The following ATRNL1 variants were observed in gnomAD, a reference collection of about 807,000 sequenced individuals.
ATRNL1 encodes attractin like 1.
ATRNL1 carries 95 observed loss-of-function variants against 182.7 expected under a neutral mutation model. That is an observed-to-expected ratio of 0.52 (90% confidence interval 0.44 to 0.62). The LOEUF (loss-of-function observed/expected upper bound fraction) is 0.62, where lower values mean the gene tolerates loss of function less well. Ranked by LOEUF, ATRNL1 falls within the 20% of genes least tolerant of loss-of-function variation. The probability of loss-of-function intolerance (pLI) is 0.00; values close to 1 mark genes in which losing one functional copy is unlikely to be tolerated. For missense variants in ATRNL1, 1,471 were observed against 1,679.5 expected (o/e 0.88, Z 2.17); for synonymous variants, 576 against 568.3 (o/e 1.01, Z -0.19).
At chr10:115,843,369 T>A (rs1286801259) in intron 27 of ATRNL1, among the ~76,000 whole-genome samples, 1 of 152,004 alleles carries the variant, frequency 6.6e-6, no homozygotes, top group Non-Finnish European at 1.5e-5. Flanking sequence ...GAAATAGACA[T>A]TTACCCAGCT....
At chr10:115,915,533 G>A (rs1210105076) in intron 28 of ATRNL1, among the ~76,000 whole-genome samples, 4 of 152,006 alleles carry the variant, frequency 2.6e-5, no homozygotes, top group African/African-American at 9.7e-5. Context: ...AACATACATA[G>A]GTATATATAA....
chr10:115,297,437 C>G (rs889060787), intron 15 of ATRNL1, among the ~76,000 whole-genome samples: 1 of 151,660 alleles, frequency 6.6e-6, no homozygotes, highest in Non-Finnish European at 1.5e-5. Context: ...GTCAGGAGTT[C>G]GAGACCATCC....
chr10:115,575,418 A>G (rs781949227), intron 26 of ATRNL1, among the ~76,000 whole-genome samples: 7 of 152,146 alleles, frequency 4.6e-5, no homozygotes, highest in Non-Finnish European at 1.0e-4. Context: ...TAAACTCTGT[A>G]TACTTTCTTG....
At chr10:115,354,429 C>T (rs954614396) in intron 19 of ATRNL1, among the ~76,000 whole-genome samples, 7 of 151,906 alleles carry the variant, frequency 4.6e-5, no homozygotes, top group African/African-American at 1.7e-4. Flanking sequence ...TTTATTTCTC[C>T]TCCATATTGA....
intron 15 of ATRNL1, among the ~76,000 whole-genome samples, chr10:115,291,738 A>G (rs1250795438): frequency 2.8e-5 from 4 of 143,952 alleles, no homozygotes; most frequent in African/African-American, 1.0e-4. Context: ...TTGTTCTGAT[A>G]TTGTTGGATT....
chr10:115,445,553 A>G (rs1554966570), intron 21 of ATRNL1, among the ~76,000 whole-genome samples: 1 of 129,694 alleles, frequency 7.7e-6, no homozygotes. Flanking sequence ...GTGTGTGTGT[A>G]CACTTACCTA....
At position 115,945,432 on chromosome 10, in the gene ATRNL1, T is replaced by C. The variant is rs1268314024; in HGVS notation, c.*653T>C. ...AGGGGGTTTATTAGAATGCTCAGTGTAGAGGACATTCCTGTCATCCATGCC... is the reference window on the plus strand; with the variant it reads ...AGGGGGTTTATTAGAATGCTCAGTGCAGAGGACATTCCTGTCATCCATGCC... On this transcript the variant is annotated 3_prime_UTR_variant, in exon 29 of 29. Coordinates refer to ENST00000355044, the MANE Select transcript of ATRNL1 (RefSeq NM_207303.4). 6.6e-6 allele frequency: 1 copy of C among 152,180 alleles called. No individual in the cohort carries two copies. The highest frequency in any genetic ancestry group is 1.5e-5 in the Non-Finnish European group (1 of 68,038). The allele number at this position is 152,180 out of a possible 1,614,324, so 9.4% of individuals were successfully genotyped here.
intron 26 of ATRNL1, among the ~76,000 whole-genome samples, chr10:115,721,258 G>C (rs966115292): frequency 1.3e-5 from 2 of 152,194 alleles, no homozygotes; most frequent in East Asian, 3.9e-4. Context: ...AATTTAATCC[G>C]TTATTTTGAC....
At chr10:115,320,978 G>T (rs376109949) in intron 18 of ATRNL1, among the ~76,000 whole-genome samples, 1 of 152,042 alleles carries the variant, frequency 6.6e-6, no homozygotes, top group Admixed American at 6.6e-5. Flanking sequence ...TGGCATTTTT[G>T]TTGTTGTTGT....
chr10:115,555,455 A>G (rs1411888406), intron 26 of ATRNL1, among the ~76,000 whole-genome samples: 2 of 151,914 alleles, frequency 1.3e-5, no homozygotes, highest in African/African-American at 4.8e-5. Context: ...ATCATTCAAA[A>G]AGATTCGAGA....
chr10:115,783,708 G>A (rs568525041), intron 27 of ATRNL1, among the ~76,000 whole-genome samples: 3 of 152,220 alleles, frequency 2.0e-5, no homozygotes, highest in African/African-American at 7.2e-5. Context: ...AGATAGTAAT[G>A]AGAAAGAATT....
chr10:115,514,198 A>G (rs782446197), intron 24 of ATRNL1, among the ~76,000 whole-genome samples: 1 of 151,932 alleles, frequency 6.6e-6, no homozygotes, highest in African/African-American at 2.4e-5. Context: ...TGATAATTTT[A>G]AAAACAGTGT....
intron 26 of ATRNL1, among the ~76,000 whole-genome samples, chr10:115,677,583 T>G (rs1758554696): frequency 6.6e-6 from 1 of 152,090 alleles, no homozygotes; most frequent in African/African-American, 2.4e-5. Flanking sequence ...TGCTTTTGCT[T>G]CTTCCTCATT....
chr10:115,719,861 C>CT (rs35436098), intron 26 of ATRNL1, among the ~76,000 whole-genome samples: 45,446 of 128,618 alleles, frequency 0.35, 8,995 homozygotes, highest in East Asian at 0.58. Context: ...CCCACACACT[C>CT]TTTTTTTTTT....
rs71476115 is a variant in ATRNL1 at position 115,223,913 on chromosome 10, G to GTGTGTATATA, written c.1532+8034_1532+8035insGTGTATATAT. Among the ~76,000 whole-genome samples, 412 of 55,746 alleles carry GTGTGTATATA rather than the reference G, an allele frequency of 7.4e-3. 3 individuals carry two copies. The highest frequency in any genetic ancestry group is 0.012 in the African/African-American group (149 of 11,930). The allele number at this position is 55,746 out of a possible 152,430, so 36.6% of individuals were successfully genotyped here. ...TGTGTGTGTGTGTGTGTGTGTGTGT[G>GTGTGTATATA]TATATATATATATATATTTTTTTTT... is the stretch of plus-strand genomic sequence containing the variant. On this transcript the variant is annotated intron_variant, in intron 9 of 28. Coordinates refer to ENST00000355044, the MANE Select transcript of ATRNL1 (RefSeq NM_207303.4).
At chr10:115,637,603 C>CTAT (rs3087071) in intron 26 of ATRNL1, among the ~76,000 whole-genome samples, 43,265 of 141,586 alleles carry the variant, frequency 0.31, 7,476 homozygotes, top group Middle Eastern at 0.4. Context: ...CAATTTATTA[C>CTAT]TATTATTATT....
At chr10:115,626,836 G>C (rs1858136460) in intron 26 of ATRNL1, among the ~76,000 whole-genome samples, 1 of 152,198 alleles carries the variant, frequency 6.6e-6, no homozygotes, top group African/African-American at 2.4e-5. Flanking sequence ...ATCTGCATAT[G>C]AGCCATTTCC....
chr10:115,257,077 C>T lies in ATRNL1; in HGVS notation c.1688-8116C>T, dbSNP rs148601297. Among the ~76,000 whole-genome samples, 175 of 152,120 alleles carry T rather than the reference C, an allele frequency of 1.2e-3. 1 individual carries two copies. The highest frequency in any genetic ancestry group is 3.9e-3 in the African/African-American group (163 of 41,512). On this transcript the variant is annotated intron_variant, in intron 10 of 28. Coordinates refer to ENST00000355044, the MANE Select transcript of ATRNL1 (RefSeq NM_207303.4). The stretch of plus-strand genomic sequence containing the variant: ...TATGTGGTCAACTTTAGAATAAGTG[C>T]GATGTGGTGCTGAGAAGAATGTATA...
At chr10:115,362,007 A>G (rs577371916) in intron 19 of ATRNL1, among the ~76,000 whole-genome samples, 6 of 152,088 alleles carry the variant, frequency 3.9e-5, no homozygotes, top group African/African-American at 1.4e-4. Context: ...AGGCAAGTAC[A>G]GGTGCCTAAT....
Sources: allele counts gnomAD v4.1 joint callset (sites outside exome capture counted in the v4.1 genomes callset), GRCh38; gene constraint gnomAD v4.1.1; transcripts MANE v1.5; gene names NCBI Gene and HGNC (gene_info 2026-07-23, HGNC 2026-07-21).